The following SNTG1 variants were observed in gnomAD, a reference collection of about 807,000 sequenced individuals.
SNTG1 encodes gamma-1-syntrophin.
A neutral mutation model predicts 74.7 loss-of-function variants in SNTG1; 39 were observed. The observed-to-expected ratio is 0.52, with a 90% CI of 0.40 to 0.68. SNTG1 has a LOEUF of 0.68. SNTG1 is among the 30% of genes least tolerant of loss of function. The pLI, the probability that SNTG1 is intolerant of heterozygous loss-of-function variation, is 0.00. For missense variants in SNTG1, 685 were observed against 609.5 expected (o/e 1.12, Z -1.30); for synonymous variants, 254 against 217.1 (o/e 1.17, Z -1.49).
intron 13 of SNTG1, among the ~76,000 whole-genome samples, chr8:50,624,332 T>C (rs1037282347): frequency 7.5e-6 from 1 of 133,278 alleles, no homozygotes; most frequent in South Asian, 2.2e-4. Context: ...AAAAAAAAAA[T>C]TATATTTTTT....
intron 15 of SNTG1, among the ~76,000 whole-genome samples, chr8:50,663,866 C>T (rs2095237654): frequency 6.6e-6 from 1 of 152,174 alleles, no homozygotes; most frequent in African/African-American, 2.4e-5. Flanking sequence ...CCTGGCAGCC[C>T]TATCCTGACA....
rs777612425 is a variant in SNTG1 at position 50,792,902 on chromosome 8, A to G, written c.*73A>G. 1.0e-5 allele frequency: 15 copies of G among 1,442,056 alleles called. No individual in the cohort carries two copies. Among genetic ancestry groups the G allele is most frequent in the Non-Finnish European group, 1.3e-5 (14 of 1,088,260 alleles). The allele number at this position is 1,442,056 out of a possible 1,614,324, so 89.3% of individuals were successfully genotyped here. ...ACATTTACTCATCATTTTAGACCCT[A>G]GAGAAACCATAACATCACCAAGTCG... On this transcript the variant is annotated 3_prime_UTR_variant, in exon 19 of 19. Transcript: ENST00000642720.
rs556598568 is a variant in SNTG1 at position 50,386,699 on chromosome 8, G to A, written c.-27-7513G>A. Among the ~76,000 whole-genome samples the A allele has an allele frequency of 2.6e-5, 4 of 152,128 alleles. No homozygotes were observed. The East Asian group carries it at 7.8e-4, about 30-fold the overall frequency. On this transcript the variant is annotated intron_variant, in intron 2 of 18. Transcript: ENST00000642720. ...GGAAGGGGAGCCAGCATGTCATGTGGTAAGAGAGGAAGCAAGAGAGAAAGA... is the reference window on the plus strand; with the variant it reads ...GGAAGGGGAGCCAGCATGTCATGTGATAAGAGAGGAAGCAAGAGAGAAAGA...
intron 1 of SNTG1, among the ~76,000 whole-genome samples, chr8:50,044,609 C>T (rs1052964855): frequency 1.3e-5 from 2 of 152,114 alleles, no homozygotes; most frequent in African/African-American, 4.8e-5. Context: ...ACTTCTTAAT[C>T]GCTCTGTAAA....
chr8:50,225,580 T>C (rs1014101999), intron 2 of SNTG1, among the ~76,000 whole-genome samples: 4 of 152,160 alleles, frequency 2.6e-5, no homozygotes, highest in Non-Finnish European at 5.9e-5. Context: ...CCCAATCACC[T>C]TGGGCACATG....
chr8:50,324,302 G>A (rs28546889), intron 2 of SNTG1, among the ~76,000 whole-genome samples: 9,842 of 152,282 alleles, frequency 0.065, 349 homozygotes, highest in Non-Finnish European at 0.071. Flanking sequence ...TCCCCAAGAT[G>A]CACAGATTCT....
intron 17 of SNTG1, among the ~76,000 whole-genome samples, chr8:50,734,711 T>C (rs1335518157): frequency 1.4e-5 from 2 of 145,948 alleles, no homozygotes; most frequent in South Asian, 2.1e-4. Context: ...TATCTCTCTA[T>C]ATATGGACAT....
intron 2 of SNTG1, among the ~76,000 whole-genome samples, chr8:50,176,223 A>T (rs2082995187): frequency 6.6e-6 from 1 of 151,974 alleles, no homozygotes; most frequent in African/African-American, 2.4e-5. Context: ...TCTCTGTGTC[A>T]CAAGTTGCAG....
intron 17 of SNTG1, among the ~76,000 whole-genome samples, chr8:50,746,197 G>T (rs1436270354): frequency 2.0e-5 from 3 of 151,844 alleles, no homozygotes; most frequent in African/African-American, 7.3e-5. Flanking sequence ...AAATGTTTTA[G>T]TAATAAAGTA....
intron 2 of SNTG1, among the ~76,000 whole-genome samples, chr8:50,176,356 T>G (rs1050060631): frequency 6.6e-6 from 1 of 152,178 alleles, no homozygotes; most frequent in Non-Finnish European, 1.5e-5. Context: ...TCATCTCTAT[T>G]TCTAGTGTTG....
intron 1 of SNTG1, among the ~76,000 whole-genome samples, chr8:50,028,126 C>A (rs556791013): frequency 6.6e-6 from 1 of 152,222 alleles, no homozygotes; most frequent in African/African-American, 2.4e-5. Flanking sequence ...CAGTCACACC[C>A]ACCCACATAC....
At chr8:50,704,369 C>T (rs1216305719) in intron 15 of SNTG1, among the ~76,000 whole-genome samples, 1 of 152,114 alleles carries the variant, frequency 6.6e-6, no homozygotes, top group East Asian at 1.9e-4. Context: ...AGAGATGAAG[C>T]CAGAAACCCT....
intron 13 of SNTG1, among the ~76,000 whole-genome samples, chr8:50,620,927 A>G (rs548030469): frequency 3.3e-5 from 5 of 152,342 alleles, no homozygotes; most frequent in African/African-American, 1.2e-4. Flanking sequence ...GATAGAAAGC[A>G]GGATCTCTGG....
chr8:50,072,005 A>C (rs1230558865), intron 1 of SNTG1, among the ~76,000 whole-genome samples: 1 of 152,236 alleles, frequency 6.6e-6, no homozygotes, highest in African/African-American at 2.4e-5. Context: ...TTAAATTATC[A>C]AAATACAGCA....
At chr8:50,785,139 G>A (rs552484235) in intron 18 of SNTG1, among the ~76,000 whole-genome samples, 95 of 151,856 alleles carry the variant, frequency 6.3e-4, no homozygotes, top group African/African-American at 2.2e-3. Context: ...AGAAATTAGA[G>A]AAAGAGCAAA....
At chr8:50,333,250 T>G (rs1360866761) in intron 2 of SNTG1, among the ~76,000 whole-genome samples, 1 of 152,206 alleles carries the variant, frequency 6.6e-6, no homozygotes, top group Non-Finnish European at 1.5e-5. Context: ...AGAGTGAAAG[T>G]GTCTACCTCA....
chr8:50,587,623 G>C lies in SNTG1; in HGVS notation c.811-3256G>C, dbSNP rs182778716. On this transcript the variant is annotated intron_variant, in intron 12 of 18. Coordinates refer to ENST00000642720, the MANE Select transcript of SNTG1 (RefSeq NM_018967.5). ...GCGGATCACCTGAAGTCAGGAGTTC[G>C]AGACCAGACTGGCTAACATGGCGAA... is the stretch of plus-strand genomic sequence containing the variant. Among the ~76,000 whole-genome samples the C allele has an allele frequency of 7.2e-5, 11 of 151,862 alleles. No individual in the cohort carries two copies. In the East Asian group the frequency reaches 1.9e-3, roughly 27 times the overall value.
At chr8:50,474,441 G>T (rs1340395038) in intron 8 of SNTG1, among the ~76,000 whole-genome samples, 15 of 150,276 alleles carry the variant, frequency 1.0e-4, no homozygotes, top group African/African-American at 1.2e-4. Flanking sequence ...CTTCTAAAAA[G>T]AAGACATTTA....
At chr8:50,033,996 T>A (rs1205405739) in intron 1 of SNTG1, among the ~76,000 whole-genome samples, 1 of 152,198 alleles carries the variant, frequency 6.6e-6, no homozygotes, top group Non-Finnish European at 1.5e-5. Context: ...CTCTTCTGAT[T>A]GTGATACAAA....
Sources: allele counts gnomAD v4.1 joint callset (sites outside exome capture counted in the v4.1 genomes callset), GRCh38; gene constraint gnomAD v4.1.1; transcripts MANE v1.5; gene names NCBI Gene and HGNC (gene_info 2026-07-23, HGNC 2026-07-21).